The following C4orf51 variants were observed in gnomAD, a reference collection of about 807,000 sequenced individuals.
C4orf51 encodes chromosome 4 open reading frame 51.
A neutral mutation model predicts 25.2 loss-of-function variants in C4orf51; 25 were observed. The ratio of observed to expected loss-of-function variants is 0.99; its 90% confidence interval spans 0.72 to 1.39. The LOEUF is 1.39. Ranked by LOEUF, C4orf51 falls within the 40% of genes most tolerant of loss-of-function variation. The pLI is 0.00. For missense variants in C4orf51, 252 were observed against 239.6 expected, an observed-to-expected ratio of 1.05 and a Z score of -0.34; for synonymous variants, 100 against 84.5, an observed-to-expected ratio of 1.18 and a Z score of -1.01.
At chr4:145,690,366 A>G (rs1000267740) in intron 1 of C4orf51, among the ~76,000 whole-genome samples, 15 of 133,346 alleles carry the variant, frequency 1.1e-4, no homozygotes, top group Admixed American at 9.8e-4. Context: ...TTAGCTGGGC[A>G]TGGTTGCAGG....
downstream of C4orf51, among the ~76,000 whole-genome samples, chr4:145,772,745 T>C (rs774213665): frequency 1.3e-5 from 2 of 152,254 alleles, no homozygotes; most frequent in Non-Finnish European, 2.9e-5. Flanking sequence ...AGGCTCCTAC[T>C]GAATTAAAAA....
chr4:145,727,922 T>TATATATAA (rs1234382844), intron 3 of C4orf51, among the ~76,000 whole-genome samples: 4 of 96,946 alleles, frequency 4.1e-5, no homozygotes, highest in East Asian at 2.6e-4. Flanking sequence ...TATATATATA[T>TATATATAA]AAAATATATT....
chr4:145,769,440 G>T (rs1735911733), intron 1 of C4orf51, among the ~76,000 whole-genome samples: 1 of 152,058 alleles, frequency 6.6e-6, no homozygotes, highest in South Asian at 2.1e-4. Context: ...TTCATTTTTA[G>T]AATTAAAACA....
downstream of C4orf51, among the ~76,000 whole-genome samples, chr4:145,735,902 G>C (rs1290961465): frequency 6.6e-6 from 1 of 152,132 alleles, no homozygotes; most frequent in Non-Finnish European, 1.5e-5. Context: ...GAGAGAATGG[G>C]CTCATTCAAT....
chr4:145,692,534 C>T (rs1729654089), intron 1 of C4orf51, among the ~76,000 whole-genome samples: 1 of 152,174 alleles, frequency 6.6e-6, no homozygotes, highest in Non-Finnish European at 1.5e-5. Flanking sequence ...AATTCATACG[C>T]CCAGGTGATT....
downstream of C4orf51, among the ~76,000 whole-genome samples, chr4:145,737,157 C>T (rs542322468): frequency 2.0e-5 from 3 of 151,722 alleles, no homozygotes; most frequent in South Asian, 2.1e-4. Context: ...GACCCAATGA[C>T]GTTGTCATCA....
chr4:145,760,916 T>C, intron 1 of C4orf51: 1 of 1,233,806 alleles, frequency 8.1e-7, no homozygotes, highest in Non-Finnish European at 1.0e-6. Flanking sequence ...TATAACATTG[T>C]CAAGGGAATG....
At chr4:145,774,639 A>G, downstream of C4orf51, 2 of 1,613,938 alleles carry the variant, frequency 1.2e-6, no homozygotes, top group Non-Finnish European at 1.7e-6. Context: ...CAAACTGGAC[A>G]TTGAGCTCGG....
chr4:145,699,819 AC>A (rs1170696677), intron 2 of C4orf51, among the ~76,000 whole-genome samples: 1 of 151,236 alleles, frequency 6.6e-6, no homozygotes. Context: ...AAGGGCAAGT[AC>A]CCCAACCCCT....
chr4:145,776,374 T>C, the C4orf51 span, among the ~76,000 whole-genome samples: 1 of 151,842 alleles, frequency 6.6e-6, no homozygotes, highest in African/African-American at 2.4e-5. Context: ...GGTGGGAGGA[T>C]TGCTTGAGCC....
chr4:145,727,238 TTA>T (rs1732115288), intron 3 of C4orf51, among the ~76,000 whole-genome samples: 1 of 152,150 alleles, frequency 6.6e-6, no homozygotes, highest in South Asian at 2.1e-4. Context: ...AGAGGAAAAA[TTA>T]TATATAATAT....
chr4:145,791,611 A>T, the C4orf51 span, among the ~76,000 whole-genome samples: 1 of 152,168 alleles, frequency 6.6e-6, no homozygotes, highest in Non-Finnish European at 1.5e-5. Context: ...CTATTATATC[A>T]TTCTCAATAA....
At chr4:145,775,849 T>C (rs1274715536), downstream of C4orf51, 1 of 1,614,164 alleles carries the variant, frequency 6.2e-7, no homozygotes. Flanking sequence ...GCTGACAATG[T>C]CCTCGGTGTC....
At position 145,761,615 on chromosome 4, in the gene C4orf51, C is replaced by A; in HGVS notation, n.167-9373C>A. On this transcript the variant is annotated intron_variant and non_coding_transcript_variant, in intron 1 of 1. Transcript: ENST00000510096. This position sits in a 1 kb window ranked among gnomAD's most constrained non-coding sequence, Gnocchi z 6.8. The stretch of plus-strand genomic sequence containing the variant: ...AATGGGCACCTGCCGGGGAAAGCAA[C>A]GCAAGGGAGGTTCAGCCGGGAAGGT... 1 of 1,234,096 alleles carries A rather than the reference C, an allele frequency of 8.1e-7. No individual in the cohort carries two copies. Among genetic ancestry groups the A allele is most frequent in the South Asian group, 1.4e-5 (1 of 72,608 alleles). 76.4% of individuals were successfully genotyped at this position (1,234,096 alleles called of 1,614,324 possible).
intron 2 of C4orf51, among the ~76,000 whole-genome samples, chr4:145,697,761 A>G (rs895567678): frequency 1.3e-5 from 2 of 152,204 alleles, no homozygotes; most frequent in Admixed American, 1.3e-4. Flanking sequence ...TTCATTATTG[A>G]TGGACACGTA....
chr4:145,759,042 A>C (rs1282804493), downstream of C4orf51: 2 of 152,174 alleles, frequency 1.3e-5, no homozygotes, highest in East Asian at 3.8e-4. Context: ...CCCTGGTGAA[A>C]CAGATTTTAA....
In C4orf51 at chr4:145,761,112, C is replaced by G; in HGVS notation, n.167-9876C>G. 7.8e-7 allele frequency: 1 copy of G among 1,289,584 alleles called. No individual in the cohort carries two copies. Among genetic ancestry groups the G allele is most frequent in the Non-Finnish European group, 1.0e-6 (1 of 988,728 alleles). 79.9% of individuals were successfully genotyped at this position (1,289,584 alleles called of 1,614,324 possible). A position where few individuals can be genotyped will look rare whatever the true frequency, so the allele number is the denominator to read the frequency against. On this transcript the variant is annotated intron_variant and non_coding_transcript_variant, in intron 1 of 1. Transcript: ENST00000510096. This position sits in a 1 kb window ranked among gnomAD's most constrained non-coding sequence, Gnocchi z 6.8. ...ACAGGAGATTCCGGGAGCTCCCGACCACCAGGAGCGGGGCCCCCGGGCCGG... is the reference window on the plus strand; with the variant it reads ...ACAGGAGATTCCGGGAGCTCCCGACGACCAGGAGCGGGGCCCCCGGGCCGG...
At chr4:145,750,296 T>C (rs1733601182) in intron 1 of C4orf51, among the ~76,000 whole-genome samples, 1 of 152,164 alleles carries the variant, frequency 6.6e-6, no homozygotes, top group African/African-American at 2.4e-5. Context: ...CTTTAGCATT[T>C]CTTGTAGGAC....
chr4:145,788,853 C>A, the C4orf51 span, among the ~76,000 whole-genome samples: 1 of 152,068 alleles, frequency 6.6e-6, no homozygotes, highest in Non-Finnish European at 1.5e-5. Flanking sequence ...GCCTGAAAAT[C>A]ATGTCTTTTT....
Sources: gnomAD v4.1 joint callset for allele counts (sites outside exome capture counted in the v4.1 genomes callset) on GRCh38, gnomAD v4.1.1 for gene constraint, Gnocchi (gnomAD v3.1) non-coding constraint, MANE v1.5 for transcripts, NCBI Gene and HGNC (gene_info 2026-07-23, HGNC 2026-07-21) for gene names.